Variants in LRP6 observed in about 807,000 individuals in gnomAD.
LRP6 encodes the protein low-density lipoprotein receptor-related protein 6.
LRP6 carries 43 observed loss-of-function variants against 184.1 expected under a neutral mutation model. That is an observed-to-expected ratio of 0.23 (90% confidence interval 0.18 to 0.30). The LOEUF is 0.30. Ranked by LOEUF, LRP6 falls within the 10% of genes least tolerant of loss-of-function variation. The pLI, the probability that LRP6 is intolerant of heterozygous loss-of-function variation, is 1.00. For missense variants in LRP6, 1,571 were observed against 2,005.3 expected (o/e 0.78, Z 4.14); for synonymous variants, 719 against 684.9 (o/e 1.05, Z -0.78).
intron 2 of LRP6, among the ~76,000 whole-genome samples, chr12:12,231,135 C>T (rs1341415145): frequency 8.5e-6 from 1 of 118,320 alleles, no homozygotes; most frequent in African/African-American, 3.1e-5. Context: ...AAGCCGAGAT[C>T]GTGACACTAC....
rs936241631 is a variant in LRP6 at position 12,125,384 on chromosome 12, C to T, written c.4361G>A (p.Gly1454Glu). Reference sequence around the variant, plus strand: ...TCGGTCATAGGGGGGTCCACTGCTTCCCCCCATGATACTGAGGGAGCTGAT... The same window carrying T: ...TCGGTCATAGGGGGGTCCACTGCTTTCCCCCATGATACTGAGGGAGCTGAT... ...SMISSLSIMG[G>E]SSGPPYDRAH... Residue 1454 changes from glycine (G) to glutamate (E), a missense_variant, in exon 21 of 23, where the codon GGA (glycine) becomes GAA (glutamate). By Grantham distance (98) the Gly-to-Glu change is moderately conservative. Transcript: ENST00000261349. 4.3e-6 allele frequency: 7 copies of T among 1,613,604 alleles called. No individual in the cohort carries two copies. The highest frequency in any genetic ancestry group is 3.3e-5 in the Admixed American group (2 of 59,970).
chr12:12,251,238 G>A (rs771358553), intron 1 of LRP6, among the ~76,000 whole-genome samples: 7 of 152,100 alleles, frequency 4.6e-5, no homozygotes, highest in Non-Finnish European at 7.3e-5. Flanking sequence ...AGCCAAAGCC[G>A]GCTAAGATTT....
rs1863334025 is a variant in LRP6, at chr12:12,181,129, C to G, written c.1287G>C (p.Val429=). The part of the protein sequence containing the change: ...WTDTGTDRIE[V]TRLNGTMRKI... ...TCCTCATGGTCCCATTGAGCCTTGT[C>G]ACTTCTATTCGATCAGTGCCAGTGT... The change falls in exon 6 of 23, where the codon GTG becomes GTC. Residue 429 remains valine (V), a synonymous_variant. Coordinates refer to ENST00000261349, the MANE Select transcript of LRP6 (RefSeq NM_002336.3). The G allele has an allele frequency of 6.2e-7, 1 of 1,614,014 alleles. No homozygotes were observed. Among genetic ancestry groups the G allele is most frequent in the African/African-American group, 1.3e-5 (1 of 74,936 alleles).
chr12:12,194,598 A>C (rs1225624628), intron 3 of LRP6, among the ~76,000 whole-genome samples: 1 of 152,142 alleles, frequency 6.6e-6, no homozygotes, highest in African/African-American at 2.4e-5. Context: ...TGTTTTAAAA[A>C]ATGTTTAACT....
chr12:12,132,829 G>A (rs1307481473), intron 17 of LRP6, among the ~76,000 whole-genome samples: 1 of 152,146 alleles, frequency 6.6e-6, no homozygotes, highest in Non-Finnish European at 1.5e-5. Context: ...TTTCTAATGG[G>A]AAAGCATTTG....
chr12:12,214,557 T>TA (rs1864290242), intron 2 of LRP6, among the ~76,000 whole-genome samples: 1 of 152,256 alleles, frequency 6.6e-6, no homozygotes, highest in Non-Finnish European at 1.5e-5. Context: ...GGCAAAAGCT[T>TA]AAAATTCATG....
At position 12,117,741 on chromosome 12, in the gene LRP6, T is replaced by C. The variant is rs1165146520; in HGVS notation, c.*3385A>G. On this transcript the variant is annotated 3_prime_UTR_variant, in exon 23 of 23. Transcript: ENST00000261349. The stretch of plus-strand genomic sequence containing the variant: ...CTCTACTGGAAGTATTCTTCATTAA[T>C]AGGGCTTTATAGCAAAAGAAAAAGA... 2 of 152,230 alleles carry C rather than the reference T, an allele frequency of 1.3e-5. No homozygotes were observed. Among genetic ancestry groups the C allele is most frequent in the Non-Finnish European group, 2.9e-5 (2 of 68,028 alleles). 9.4% of individuals were successfully genotyped at this position (152,230 alleles called of 1,614,324 possible). A position where few individuals can be genotyped will look rare whatever the true frequency, so the allele number is the denominator to read the frequency against.
chr12:12,218,475 TC>T (rs757742256), intron 2 of LRP6, among the ~76,000 whole-genome samples: 70 of 80,772 alleles, frequency 8.7e-4, no homozygotes, highest in Non-Finnish European at 1.6e-3. Context: ...AGACCCTCTC[TC>T]AATAATAATA....
intron 1 of LRP6, among the ~76,000 whole-genome samples, chr12:12,250,036 T>C (rs1865289081): frequency 6.6e-6 from 1 of 152,222 alleles, no homozygotes. Flanking sequence ...CTCTTCTCCA[T>C]TTTTAAAACC....
intron 17 of LRP6, among the ~76,000 whole-genome samples, chr12:12,133,117 TAAAGTAGATA>T (rs1949780520): frequency 6.6e-6 from 1 of 152,212 alleles, no homozygotes; most frequent in African/African-American, 2.4e-5. Flanking sequence ...TATGGAGAAT[TAAAGTAGATA>T]AAATATATCC....
At chr12:12,197,844 G>A (rs1863804794) in intron 3 of LRP6, among the ~76,000 whole-genome samples, 1 of 152,196 alleles carries the variant, frequency 6.6e-6, no homozygotes, top group Non-Finnish European at 1.5e-5. Context: ...AAGAGTTCAA[G>A]ACCAGCTGGG....
At chr12:12,249,331 C>G in intron 1 of LRP6, 1 of 1,150,846 alleles carries the variant, frequency 8.7e-7, no homozygotes, top group Non-Finnish European at 1.3e-6. Context: ...GCAGAATTCA[C>G]AGCACCAAAG....
intron 14 of LRP6, among the ~76,000 whole-genome samples, chr12:12,147,804 T>G (rs529192386): frequency 2.0e-5 from 3 of 152,022 alleles, no homozygotes; most frequent in Admixed American, 2.0e-4. Context: ...AAACCCCATT[T>G]CTACAAAAAA....
At chr12:12,221,981 T>C (rs1413491983) in intron 2 of LRP6, among the ~76,000 whole-genome samples, 3 of 152,218 alleles carry the variant, frequency 2.0e-5, no homozygotes, top group African/African-American at 7.2e-5. Context: ...TGCTAAATGC[T>C]TTATGTACTT....
At chr12:12,205,145 A>AT (rs1864019180) in intron 2 of LRP6, among the ~76,000 whole-genome samples, 1 of 151,448 alleles carries the variant, frequency 6.6e-6, no homozygotes. Context: ...CCTGTCCAAC[A>AT]TGGTGAAACC....
Position 12,266,809 on chromosome 12 carries a change from C to T in LRP6, c.-74G>A. ...TGGGGGAGGCGAGGAGCCGGGGCGG[C>T]CGCCGCAGCGGCAGGGCTGCACGCT... On this transcript the variant is annotated 5_prime_UTR_variant, in exon 1 of 23. Transcript: ENST00000261349. The T allele has an allele frequency of 8.0e-7, 1 of 1,254,926 alleles. No individual in the cohort carries two copies. Among genetic ancestry groups the T allele is most frequent in the South Asian group, 1.2e-5 (1 of 80,218 alleles). The allele number at this position is 1,254,926 out of a possible 1,614,324, so 77.7% of individuals were successfully genotyped here.
intron 2 of LRP6, among the ~76,000 whole-genome samples, chr12:12,234,097 G>A (rs1240277466): frequency 1.3e-5 from 2 of 152,152 alleles, no homozygotes; most frequent in Admixed American, 6.5e-5. Context: ...AGACCAGCCT[G>A]ACCAACATGG....
At chr12:12,216,671 G>A (rs10082863) in intron 2 of LRP6, among the ~76,000 whole-genome samples, 25,914 of 145,926 alleles carry the variant, frequency 0.18, 2,555 homozygotes, top group African/African-American at 0.27. Context: ...AAAAAAAAAA[G>A]AAAAGAAAAG....
chr12:12,234,293 A>C (rs1339104974), intron 2 of LRP6, among the ~76,000 whole-genome samples: 1 of 152,020 alleles, frequency 6.6e-6, no homozygotes, highest in Non-Finnish European at 1.5e-5. Context: ...ATCTCAAAAA[A>C]AAAAAAATTA....
Sources: gnomAD v4.1 joint callset for allele counts (sites outside exome capture counted in the v4.1 genomes callset) on GRCh38, gnomAD v4.1.1 for gene constraint, MANE v1.5 for transcripts, NCBI Gene and HGNC (gene_info 2026-07-23, HGNC 2026-07-21) for gene names.